The following SLC44A5 variants were observed in gnomAD, a reference collection of about 807,000 sequenced individuals.
SLC44A5 encodes choline transporter-like protein 5.
In SLC44A5, 57 loss-of-function variants were observed where a neutral mutation model predicts 101.8. The ratio of observed to expected loss-of-function variants is 0.56; its 90% CI spans 0.45 to 0.70. The LOEUF (loss-of-function observed/expected upper bound fraction) is 0.70, where lower values mean the gene tolerates loss of function less well. SLC44A5 is among the 30% of genes least tolerant of loss of function. The probability of loss-of-function intolerance (pLI) is 0.00; values close to 1 mark genes in which losing one functional copy is unlikely to be tolerated. For missense variants in SLC44A5, 737 were observed against 853.1 expected (o/e 0.86, Z 1.70); for synonymous variants, 281 against 290.9 (o/e 0.97, Z 0.35).
At chr1:75,723,970 G>A in the SLC44A5 span, 4 of 152,158 alleles carry the variant, frequency 2.6e-5, no homozygotes, top group Non-Finnish European at 5.9e-5. Flanking sequence ...CTCACTGGAA[G>A]AGAAAGTGAC....
chr1:75,687,627 T>C, the SLC44A5 span, among the ~76,000 whole-genome samples: 9 of 152,158 alleles, frequency 5.9e-5, no homozygotes, highest in Non-Finnish European at 1.2e-4. Flanking sequence ...TTTATGAATA[T>C]TTCACCACTT....
chr1:75,437,454 G>A (rs1332015917), intron 2 of SLC44A5, among the ~76,000 whole-genome samples: 1 of 152,088 alleles, frequency 6.6e-6, no homozygotes, highest in Non-Finnish European at 1.5e-5. Flanking sequence ...TAAAGAATGA[G>A]CCAGTGACAT....
At chr1:75,526,462 T>C (rs529503522) in intron 2 of SLC44A5, among the ~76,000 whole-genome samples, 1 of 152,306 alleles carries the variant, frequency 6.6e-6, no homozygotes, top group African/African-American at 2.4e-5. Flanking sequence ...CACTTCCATC[T>C]TTGTCTACCC....
intron 4 of SLC44A5, among the ~76,000 whole-genome samples, chr1:75,304,833 A>C (rs1654781915): frequency 6.6e-6 from 1 of 152,104 alleles, no homozygotes; most frequent in Admixed American, 6.5e-5. Flanking sequence ...GTTGCTTCCC[A>C]CTGGGTCCCA....
At chr1:75,475,195 T>A (rs1204018109) in intron 2 of SLC44A5, among the ~76,000 whole-genome samples, 4 of 152,214 alleles carry the variant, frequency 2.6e-5, no homozygotes, top group Non-Finnish European at 5.9e-5. Context: ...AGCAAAAGCC[T>A]AATAAGAAGA....
At position 75,410,664 on chromosome 1, in the gene SLC44A5, A is replaced by C. The variant is rs116560804; in HGVS notation, c.14-14043T>G. On this transcript the variant is annotated intron_variant, in intron 2 of 23. Coordinates refer to ENST00000370859, the MANE Select transcript of SLC44A5 (RefSeq NM_001130058.2). Reference sequence around the variant, plus strand: ...AGGTAGAAATTGGGTGGAAGATAGAATCTAATGGCCACATACAAAGTCACA... The same window carrying C: ...AGGTAGAAATTGGGTGGAAGATAGACTCTAATGGCCACATACAAAGTCACA... Among the ~76,000 whole-genome samples the C allele has an allele frequency of 4.5e-3, 681 of 152,254 alleles. 8 individuals carry two copies. Among genetic ancestry groups the C allele is most frequent in the African/African-American group, 0.016 (660 of 41,560 alleles).
At chr1:75,270,428 A>G (rs1462516114) in intron 6 of SLC44A5, among the ~76,000 whole-genome samples, 2 of 152,084 alleles carry the variant, frequency 1.3e-5, no homozygotes, top group Non-Finnish European at 2.9e-5. Context: ...CAGAGAGGAA[A>G]TGGGTATATT....
chr1:75,702,634 G>T, the SLC44A5 span, among the ~76,000 whole-genome samples: 1 of 152,120 alleles, frequency 6.6e-6, no homozygotes, highest in South Asian at 2.1e-4. Context: ...AGAAGCAATG[G>T]CAACAAAAGC....
At chr1:75,211,376 C>A in intron 23 of SLC44A5, 92 bp downstream of exon 23, 1 of 922,308 alleles carries the variant, frequency 1.1e-6, no homozygotes. Context: ...CAGGTAACAG[C>A]AGATCCCCAA....
chr1:75,591,701 G>A (rs377233), intron 1 of SLC44A5, among the ~76,000 whole-genome samples: 102,482 of 151,926 alleles, frequency 0.67, 34,929 homozygotes, highest in East Asian at 0.84. Flanking sequence ...ATTTACCCCT[G>A]GGATGCAAGA....
intron 4 of SLC44A5, among the ~76,000 whole-genome samples, chr1:75,318,017 G>A (rs1025436733): frequency 3.9e-5 from 6 of 152,090 alleles, no homozygotes; most frequent in Admixed American, 6.5e-5. Flanking sequence ...TCTCATTTGG[G>A]TGTGCCATCC....
chr1:75,478,273 A>T (rs546755088), intron 2 of SLC44A5, among the ~76,000 whole-genome samples: 88 of 152,278 alleles, frequency 5.8e-4, no homozygotes, highest in African/African-American at 1.8e-3. Flanking sequence ...GGAAAGGAAC[A>T]ACCAGTACCA....
chr1:75,375,718 T>C (rs2347215), intron 3 of SLC44A5, among the ~76,000 whole-genome samples: 32,568 of 152,140 alleles, frequency 0.21, 3,631 homozygotes, highest in Non-Finnish European at 0.24. Flanking sequence ...AGTAAAGAAA[T>C]ACCAACCAAG....
At chr1:75,472,400 T>G (rs1210321209) in intron 2 of SLC44A5, among the ~76,000 whole-genome samples, 6 of 152,152 alleles carry the variant, frequency 3.9e-5, no homozygotes, top group Non-Finnish European at 7.3e-5. Context: ...TTCATTAATC[T>G]CAACAAGCCT....
the SLC44A5 span, among the ~76,000 whole-genome samples, chr1:75,664,516 A>G: frequency 6.6e-6 from 1 of 152,190 alleles, no homozygotes; most frequent in Non-Finnish European, 1.5e-5. Context: ...ATAACATTCA[A>G]GTTGAGAGCC....
At chr1:75,383,664 T>G (rs544639990) in intron 3 of SLC44A5, among the ~76,000 whole-genome samples, 1 of 152,078 alleles carries the variant, frequency 6.6e-6, no homozygotes, top group African/African-American at 2.4e-5. Flanking sequence ...TTCCCCAATC[T>G]AGCAAGGCAG....
At chr1:75,464,038 T>C (rs924330758) in intron 2 of SLC44A5, among the ~76,000 whole-genome samples, 1 of 151,874 alleles carries the variant, frequency 6.6e-6, no homozygotes, top group Non-Finnish European at 1.5e-5. Context: ...CTGGCTAACA[T>C]GGTGAAATCC....
chr1:75,683,252 C>G, the SLC44A5 span, among the ~76,000 whole-genome samples: 1 of 152,022 alleles, frequency 6.6e-6, no homozygotes, highest in Admixed American at 6.6e-5. Context: ...CATCCCATGA[C>G]TGGGTATATA....
At chr1:75,514,402 C>T (rs966274290) in intron 2 of SLC44A5, among the ~76,000 whole-genome samples, 4 of 152,050 alleles carry the variant, frequency 2.6e-5, no homozygotes, top group Non-Finnish European at 4.4e-5. Flanking sequence ...TGAGTCAGTG[C>T]GGTCATCATG....
Sources: allele counts gnomAD v4.1 joint callset (sites outside exome capture counted in the v4.1 genomes callset), GRCh38; gene constraint gnomAD v4.1.1; transcripts MANE v1.5; gene names NCBI Gene and HGNC (gene_info 2026-07-23, HGNC 2026-07-21).